Variants in VSIG10L2 observed in about 807,000 individuals in gnomAD.
VSIG10L2 encodes V-set and immunoglobulin domain containing 10 like 2.
Under a neutral mutation model 67.1 loss-of-function variants are expected in VSIG10L2, and 56 were observed. The ratio of observed to expected loss-of-function variants is 0.83; its 90% CI spans 0.67 to 1.04. VSIG10L2 has a LOEUF of 1.04. VSIG10L2 is among the 50% of genes least tolerant of loss of function. VSIG10L2 has a pLI of 0.00. For missense variants in VSIG10L2, 843 were observed against 932.8 expected (o/e 0.90, Z 1.25); for synonymous variants, 360 against 396.6 (o/e 0.91, Z 1.10).
Position 125,955,645 on chromosome 11 carries a change from A to C in VSIG10L2, c.2262A>C (p.Arg754Ser). 2 of 1,532,494 alleles carry C rather than the reference A, an allele frequency of 1.3e-6. No homozygotes were observed. Among genetic ancestry groups the C allele is most frequent in the Non-Finnish European group, 1.7e-6 (2 of 1,145,268 alleles). The allele number at this position is 1,532,494 out of a possible 1,614,324, so 94.9% of individuals were successfully genotyped here. Reference sequence around the variant, plus strand: ...AAAGGCACCAACAGAGGGGTTCCAGAGAAGATGCTGAGGCACCGGCAGGTA... The same window carrying C: ...AAAGGCACCAACAGAGGGGTTCCAGCGAAGATGCTGAGGCACCGGCAGGTA... ...TEQRHQQRGS[R>S]EDAEAPAGLE... Residue 754 changes from arginine (R) to serine (S), a missense_variant, in exon 11 of 12, where the codon AGA (arginine) becomes AGC (serine). Coordinates refer to ENST00000686984, the MANE Select transcript of VSIG10L2 (RefSeq NM_001365077.2).
rs940659947 is a variant in VSIG10L2, at chr11:125,952,000, G to A, written c.1422G>A (p.Leu474=). ...ACCTCCTGCAGGCCCAAGAAGATCTGGCTGGCAGAGAGTTCACCTGCCGGG... is the reference window on the plus strand; with the variant it reads ...ACCTCCTGCAGGCCCAAGAAGATCTAGCTGGCAGAGAGTTCACCTGCCGGG... The part of the protein sequence containing the change: ...AVHLLQAQED[L]AGREFTCRGT... Residue 474 remains leucine (L), a synonymous_variant, in exon 6 of 12, where the codon CTG becomes CTA. Transcript: ENST00000686984. The A allele has an allele frequency of 5.9e-6, 9 of 1,536,000 alleles. No homozygotes were observed. Among genetic ancestry groups the A allele is most frequent in the Non-Finnish European group, 7.8e-6 (9 of 1,146,888 alleles).
chr11:125,948,632 T>A, intron 3 of VSIG10L2, 52 bp downstream of exon 3: 2 of 1,230,264 alleles, frequency 1.6e-6, no homozygotes, highest in South Asian at 8.3e-5. Flanking sequence ...CATCTCCCCA[T>A]CCACACTCAG....
rs574399345 is a variant in VSIG10L2 at position 125,952,059 on chromosome 11, G to A, written c.1481G>A (p.Cys494Tyr). ...CTGCTCAGGACCCCTGACCCCCACT[G>A]CCACCTCCAGCTGGGTGAGTAGGGG... Reference protein sequence around the residue: ...THLLRTPDPHCHLQLEAPQLD... With the variant: ...THLLRTPDPHYHLQLEAPQLD... Residue 494 changes from cysteine to tyrosine, a missense_variant, in exon 6 of 12, where the codon TGC becomes TAC. Cys to Tyr is a radical substitution (Grantham distance 194, BLOSUM62 -2). This residue lies in a region of VSIG10L2 where 397 missense variants were observed against 384.4 expected (regional missense o/e 1.03). Transcript: ENST00000686984. 6.5e-7 allele frequency: 1 copy of A among 1,534,250 alleles called. No homozygotes were observed.
In VSIG10L2 at chr11:125,954,360, A is replaced by T. The variant is rs1945421540; in HGVS notation, c.2060A>T (p.His687Leu). 8.1e-7 allele frequency: 1 copy of T among 1,232,090 alleles called. No individual in the cohort carries two copies. Among genetic ancestry groups the T allele is most frequent in the Non-Finnish European group, 1.0e-6 (1 of 987,988 alleles). 76.3% of individuals were successfully genotyped at this position (1,232,090 alleles called of 1,614,324 possible). A position where few individuals can be genotyped will look rare whatever the true frequency, so the allele number is the denominator to read the frequency against. ...ILALNHHTAG[H>L]PSEVKIPADP... ...GCTCTGAATCACCACACTGCAGGAC[A>T]TCCCTCTGAGGTGAAGATACCAGGT... The change falls in exon 8 of 12, where the codon CAT becomes CTT. Residue 687 changes from histidine (H) to leucine (L), a missense_variant. His to Leu is a moderately conservative substitution (Grantham distance 99). Transcript: ENST00000686984.
Position 125,951,887 on chromosome 11 carries a change from T to G in VSIG10L2, c.1309T>G (p.Trp437Gly), listed in dbSNP as rs755879825. 97 of 1,533,538 alleles carry G rather than the reference T, an allele frequency of 6.3e-5. No homozygotes were observed. Among genetic ancestry groups the G allele is most frequent in the Non-Finnish European group, 8.5e-5 (97 of 1,145,102 alleles). 95.0% of individuals were successfully genotyped at this position (1,533,538 alleles called of 1,614,324 possible). A position where few individuals can be genotyped will look rare whatever the true frequency, so the allele number is the denominator to read the frequency against. The change falls in exon 6 of 12, where the codon TGG becomes GGG. Residue 437 changes from tryptophan (W) to glycine (G), a missense_variant. Coordinates refer to ENST00000686984, the MANE Select transcript of VSIG10L2 (RefSeq NM_001365077.2). ...CCAGTTCATCATGCTGAGCTGCGAGTGGCCTGGCGGCGAGCCCCCTGCCAC... is the reference window on the plus strand; with the variant it reads ...CCAGTTCATCATGCTGAGCTGCGAGGGGCCTGGCGGCGAGCCCCCTGCCAC... ...GDQFIMLSCE[W>G]PGGEPPATLG...
At chr11:125,951,696 T>G in intron 5 of VSIG10L2, 117 bp from the exon 6 acceptor site, 1 of 1,065,592 alleles carries the variant, frequency 9.4e-7, no homozygotes. Flanking sequence ...AATGAGTGAG[T>G]GACAAAGTAA....
rs903171977 is a variant in VSIG10L2, at chr11:125,947,822, C to G, written c.219C>G (p.Gly73=). The G allele has an allele frequency of 4.9e-6, 6 of 1,232,488 alleles. No homozygotes were observed. Among genetic ancestry groups the G allele is most frequent in the Non-Finnish European group, 6.1e-6 (6 of 988,344 alleles). The allele number at this position is 1,232,488 out of a possible 1,614,324, so 76.3% of individuals were successfully genotyped here. ...TCCTCTGGAGCTTCACCCCCCTGGG[C>G]TCCCTGGTTCCCCGGCCTGTGGCCG... ...LLVLWSFTPL[G]SLVPRPVAVT... The change falls in exon 2 of 12, where the codon GGC becomes GGG. Residue 73 remains glycine, a synonymous_variant. Coordinates refer to ENST00000686984, the MANE Select transcript of VSIG10L2 (RefSeq NM_001365077.2).
chr11:125,954,270 CA>C lies in VSIG10L2; in HGVS notation c.1971del (p.Glu658ArgfsTer23). 1 of 1,232,262 alleles carries C rather than the reference CA, an allele frequency of 8.1e-7. No individual in the cohort carries two copies. Among genetic ancestry groups the C allele is most frequent in the African/African-American group, 1.5e-5 (1 of 64,528 alleles). 76.3% of individuals were successfully genotyped at this position (1,232,262 alleles called of 1,614,324 possible). A position where few individuals can be genotyped will look rare whatever the true frequency, so the allele number is the denominator to read the frequency against. ...GAGACAGCAGCTAGTGACATCGAGCCAGAGAGCCGAGGACGGCGGCTGGGGG... is the reference window on the plus strand; with the variant it reads ...GAGACAGCAGCTAGTGACATCGAGCCGAGAGCCGAGGACGGCGGCTGGGGG... ...AWETAASDIE[P>X]ESRGRRLGGL... On this transcript the variant is annotated frameshift_variant, in exon 8 of 12. Coordinates refer to ENST00000686984, the MANE Select transcript of VSIG10L2 (RefSeq NM_001365077.2). LOFTEE classifies it high-confidence loss of function.
At position 125,954,088 on chromosome 11, in the gene VSIG10L2, A is replaced by G; in HGVS notation, c.1788A>G (p.Arg596=). 8.1e-7 allele frequency: 1 copy of G among 1,232,186 alleles called. No homozygotes were observed. Among genetic ancestry groups the G allele is most frequent in the Non-Finnish European group, 1.0e-6 (1 of 988,046 alleles). The allele number at this position is 1,232,186 out of a possible 1,614,324, so 76.3% of individuals were successfully genotyped here. Residue 596 remains arginine (R), a splice_region_variant and synonymous_variant, in exon 8 of 12, where the codon AGA becomes AGG. Transcript: ENST00000686984. ...TGTTTTGTCCCCACCCTCACCCAGGATATCCAGCTCCTCCCAATGTCACCA... is the reference window on the plus strand; with the variant it reads ...TGTTTTGTCCCCACCCTCACCCAGGGTATCCAGCTCCTCCCAATGTCACCA... ...SSQSVLLEVL[R]YPAPPNVTIS...
In VSIG10L2 at chr11:125,951,816, A is replaced by G; in HGVS notation, c.1238A>G (p.Glu413Gly). 1.3e-6 allele frequency: 2 copies of G among 1,497,072 alleles called. No homozygotes were observed. Among genetic ancestry groups the G allele is most frequent in the Non-Finnish European group, 1.8e-6 (2 of 1,124,248 alleles). The allele number at this position is 1,497,072 out of a possible 1,614,324, so 92.7% of individuals were successfully genotyped here. A position where few individuals can be genotyped will look rare whatever the true frequency, so the allele number is the denominator to read the frequency against. The change falls in exon 6 of 12, where the codon GAG (glutamate) becomes GGG (glycine). Residue 413 changes from glutamate (E) to glycine (G), a missense_variant. By Grantham distance (98) the Glu-to-Gly change is moderately conservative (BLOSUM62 -2). Coordinates refer to ENST00000686984, the MANE Select transcript of VSIG10L2 (RefSeq NM_001365077.2). The part of the protein sequence containing the change: ...PPALCTVMLW[E>G]PLGRPTCWST... ...ACTGAGCCATCATTCCTTCCAGGGG[A>G]GCCTCTCGGGAGGCCTACCTGCTGG... is the stretch of plus-strand genomic sequence containing the variant.
Position 125,948,685 on chromosome 11 carries a change from G to A in VSIG10L2, c.709+105G>A, listed in dbSNP as rs1354998043. ...CTCCCCAAATCCCTCCACTGCAGGA[G>A]TGCCTCGCCCTCTAAAAGTCTCCAG... On this transcript the variant is annotated intron_variant, in intron 3 of 11. Transcript: ENST00000686984. 8 of 1,170,658 alleles carry A rather than the reference G, an allele frequency of 6.8e-6. No homozygotes were observed. In the African/African-American group the frequency reaches 1.3e-4, roughly 19 times the overall value. 72.5% of individuals were successfully genotyped at this position (1,170,658 alleles called of 1,614,324 possible).
chr11:125,952,924 T>C (rs551131), intron 6 of VSIG10L2, among the ~76,000 whole-genome samples: 143,472 of 152,312 alleles, frequency 0.94, 67,651 homozygotes, highest in East Asian at 1. Context: ...CCCTATTACT[T>C]GGTCTCAGGA....
chr11:125,952,099 C>T (rs1213137052), intron 6 of VSIG10L2, 26 bp downstream of exon 6: 1 of 1,517,330 alleles, frequency 6.6e-7, no homozygotes, highest in Admixed American at 2.0e-5. Context: ...CGAGTTTGTT[C>T]TGGGGCTGGG....
chr11:125,952,369 C>T (rs770018257), intron 6 of VSIG10L2, among the ~76,000 whole-genome samples: 6 of 152,152 alleles, frequency 3.9e-5, no homozygotes, highest in Non-Finnish European at 7.4e-5. Flanking sequence ...ACAAGTGAAA[C>T]ACTTCAGTTA....
intron 1 of VSIG10L2, 139 bp from the exon 2 acceptor site, chr11:125,947,547 G>A: frequency 8.1e-7 from 1 of 1,230,806 alleles, no homozygotes; most frequent in Non-Finnish European, 1.0e-6. Context: ...AACTCCAGAA[G>A]TGCTTTTATG....
intron 8 of VSIG10L2, 112 bp downstream of exon 8, chr11:125,954,495 G>C (rs1945423619): frequency 1.1e-6 from 1 of 926,916 alleles, no homozygotes; most frequent in Non-Finnish European, 1.4e-6. Flanking sequence ...GCATCCTACT[G>C]AATTCTCCCA....
rs1433882847 is a variant in VSIG10L2 at position 125,950,986 on chromosome 11, G to C, written c.1062G>C (p.Gly354=). ...TGACCCTGCTCTGTGCCTGGCCTGGGGGGCTTCCGCCTGCCCAACTGCAGT... is the reference window on the plus strand; with the variant it reads ...TGACCCTGCTCTGTGCCTGGCCTGGCGGGCTTCCGCCTGCCCAACTGCAGT... ...EAVTLLCAWP[G]GLPPAQLQWE... Residue 354 remains glycine (G), a synonymous_variant, in exon 5 of 12, where the codon GGG becomes GGC. Transcript: ENST00000686984. The C allele has an allele frequency of 1.6e-6, 2 of 1,232,444 alleles. No homozygotes were observed. Among genetic ancestry groups the C allele is most frequent in the Non-Finnish European group, 2.0e-6 (2 of 988,218 alleles). 76.3% of individuals were successfully genotyped at this position (1,232,444 alleles called of 1,614,324 possible).
Position 125,953,699 on chromosome 11 carries a change from G to A in VSIG10L2, c.1786+9G>A, listed in dbSNP as rs1217302935. The A allele has an allele frequency of 8.1e-7, 1 of 1,232,266 alleles. No homozygotes were observed. Among genetic ancestry groups the A allele is most frequent in the Non-Finnish European group, 1.0e-6 (1 of 988,022 alleles). The allele number at this position is 1,232,266 out of a possible 1,614,324, so 76.3% of individuals were successfully genotyped here. On this transcript the variant is annotated intron_variant, in intron 7 of 11. Coordinates refer to ENST00000686984, the MANE Select transcript of VSIG10L2 (RefSeq NM_001365077.2). ...GCTGCTGGAGGTCCTGAGTGAGTGA[G>A]GGGTTGAATGCGTGTGTGTGGTGAG...
intron 3 of VSIG10L2, among the ~76,000 whole-genome samples, chr11:125,949,287 T>C (rs1006751874): frequency 1.5e-5 from 2 of 129,434 alleles, no homozygotes; most frequent in Non-Finnish European, 3.3e-5. Flanking sequence ...TGGTCATTTT[T>C]ACGTAAGATT....
Sources: gnomAD v4.1 joint callset for allele counts (sites outside exome capture counted in the v4.1 genomes callset) on GRCh38, gnomAD v4.1.1 for gene constraint, gnomAD v4.1.1 regional missense constraint, MANE v1.5 for transcripts, NCBI Gene and HGNC (gene_info 2026-07-23, HGNC 2026-07-21) for gene names.